PSMA5: variants seen among roughly 807,000 people sequenced by gnomAD.
PSMA5 encodes proteasome subunit alpha type-5.
In PSMA5, 3 loss-of-function variants were observed where a neutral mutation model predicts 34.5. The ratio of observed to expected loss-of-function variants is 0.09; its 90% CI spans 0.04 to 0.22. The LOEUF is 0.22. PSMA5 is among the 10% of genes least tolerant of loss of function. PSMA5 has a pLI of 1.00. For synonymous variants in PSMA5, 88 were observed against 95.8 expected (o/e 0.92, Z 0.47); for missense variants, 120 against 286.1 (o/e 0.42, Z 4.19).
rs1367731725 is a variant in PSMA5, at chr1:109,426,413, AACTC to A, written c.-87_-84del. ...ACCGGCACCCAACTCACCGGCAGCC[AACTC>A]ACCCACACGGCCGCAGTACTAAGGA... On this transcript the variant is annotated 5_prime_UTR_variant, in exon 1 of 9. Coordinates refer to ENST00000271308, the MANE Select transcript of PSMA5 (RefSeq NM_002790.4). 7.7e-6 allele frequency: 12 copies of A among 1,557,874 alleles called. No individual in the cohort carries two copies. The highest frequency in any genetic ancestry group is 1.1e-5 in the Non-Finnish European group (12 of 1,129,194).
Position 109,424,491 on chromosome 1 carries a change from T to C in PSMA5, c.29+1811A>G, listed in dbSNP as rs569829602. On this transcript the variant is annotated intron_variant, in intron 1 of 8. Coordinates refer to ENST00000271308, the MANE Select transcript of PSMA5 (RefSeq NM_002790.4). Reference sequence around the variant, plus strand: ...GTACCTGTAAACAATTCTTTAAGAGTCTCAGGCCGAGCGAGGTGGCTCTCG... The same window carrying C: ...GTACCTGTAAACAATTCTTTAAGAGCCTCAGGCCGAGCGAGGTGGCTCTCG... Among the ~76,000 whole-genome samples the C allele has an allele frequency of 1.1e-4, 16 of 152,086 alleles. No individual in the cohort carries two copies. In the East Asian group the frequency reaches 1.8e-3, roughly 17 times the overall value.
At chr1:109,413,205 C>T in intron 3 of PSMA5, 70 bp from the exon 4 acceptor site, 2 of 1,458,290 alleles carry the variant, frequency 1.4e-6, no homozygotes, top group Admixed American at 1.7e-5. Context: ...CTCAGGAAAT[C>T]CTGAAATTCT....
chr1:109,421,448 G>A (rs1159341592), intron 2 of PSMA5, among the ~76,000 whole-genome samples: 24 of 145,038 alleles, frequency 1.7e-4, no homozygotes, highest in African/African-American at 5.5e-4. Flanking sequence ...GGGCAACTGA[G>A]AGAGACTCCA....
At chr1:109,404,183 G>A (rs1230742717) in intron 8 of PSMA5, among the ~76,000 whole-genome samples, 1 of 152,026 alleles carries the variant, frequency 6.6e-6, no homozygotes, top group East Asian at 1.9e-4. Context: ...AATTAGTCGG[G>A]CATGGTGGCA....
chr1:109,411,835 T>A, intron 6 of PSMA5, 42 bp downstream of exon 6: 1 of 1,549,994 alleles, frequency 6.5e-7, no homozygotes, highest in East Asian at 2.2e-5. Flanking sequence ...TTAAAATAAT[T>A]CCCTGCAAAA....
intron 4 of PSMA5, 182 bp from the exon 5 acceptor site, chr1:109,412,366 T>C (rs1571021257): frequency 1.8e-6 from 1 of 563,830 alleles, no homozygotes; most frequent in East Asian, 2.9e-5. Context: ...GCTCTGGAAA[T>C]AAACATATCA....
chr1:109,405,405 G>C (rs1012632358), intron 8 of PSMA5, among the ~76,000 whole-genome samples: 46 of 146,938 alleles, frequency 3.1e-4, no homozygotes, highest in African/African-American at 1.1e-3. Context: ...GCCATGAAAA[G>C]AATTTTGGAA....
chr1:109,402,031 C>T lies in PSMA5; in HGVS notation c.708G>A (p.Glu236=), dbSNP rs1265712677. Reference sequence around the variant, plus strand: ...GGATTCCTTAAATGTCCTTGATAACCTCTTCAAGTTCTTCCTTTGTGAACA... The same window carrying T: ...GGATTCCTTAAATGTCCTTGATAACTTCTTCAAGTTCTTCCTTTGTGAACA... ...FHMFTKEELE[E]VIKDI is the part of the protein sequence containing the mutation. Residue 236 remains glutamate, a synonymous_variant, in exon 9 of 9, where the codon GAG becomes GAA. Transcript: ENST00000271308. 1.9e-6 allele frequency: 3 copies of T among 1,611,144 alleles called. No homozygotes were observed. Among genetic ancestry groups the T allele is most frequent in the Admixed American group, 1.7e-5 (1 of 59,712 alleles).
chr1:109,412,595 T>C (rs1164479690), intron 4 of PSMA5: 3 of 167,760 alleles, frequency 1.8e-5, no homozygotes, highest in Middle Eastern at 5.8e-3. Context: ...GTATTTTTCT[T>C]ACTAGCCTAT....
intron 1 of PSMA5, among the ~76,000 whole-genome samples, chr1:109,422,629 C>T (rs943808337): frequency 6.6e-6 from 1 of 152,074 alleles, no homozygotes; most frequent in East Asian, 1.9e-4. Flanking sequence ...CATGCCACCA[C>T]GCCCGGCTAA....
chr1:109,406,059 A>G (rs1163387462), intron 8 of PSMA5, among the ~76,000 whole-genome samples: 1 of 152,240 alleles, frequency 6.6e-6, no homozygotes, highest in Non-Finnish European at 1.5e-5. Flanking sequence ...AACCAAGATT[A>G]GAAATATGGG....
Position 109,426,007 on chromosome 1 carries a change from CG to C in PSMA5, c.29+294del. 5.5e-6 allele frequency: 3 copies of C among 550,428 alleles called. No homozygotes were observed. The East Asian group carries it at 8.7e-5, about 16-fold the overall frequency. 34.1% of individuals were successfully genotyped at this position (550,428 alleles called of 1,614,324 possible). On this transcript the variant is annotated intron_variant, in intron 1 of 8. Transcript: ENST00000271308. ...GCAAAGAGTGACCCTTGGCCTTCTC[CG>C]GGTTCAAGGTAGGAGTTCCGGCTCC...
Position 109,426,413 on chromosome 1 carries a change from A to T in PSMA5, c.-83T>A. The T allele has an allele frequency of 6.4e-7, 1 of 1,557,992 alleles. No individual in the cohort carries two copies. Among genetic ancestry groups the T allele is most frequent in the Non-Finnish European group, 8.9e-7 (1 of 1,129,186 alleles). On this transcript the variant is annotated 5_prime_UTR_variant, in exon 1 of 9. Transcript: ENST00000271308. The stretch of plus-strand genomic sequence containing the variant: ...ACCGGCACCCAACTCACCGGCAGCC[A>T]ACTCACCCACACGGCCGCAGTACTA...
rs1653536240 is a variant in PSMA5 at position 109,401,789 on chromosome 1, C to T, written c.*224G>A. On this transcript the variant is annotated 3_prime_UTR_variant, in exon 9 of 9. Coordinates refer to ENST00000271308, the MANE Select transcript of PSMA5 (RefSeq NM_002790.4). ...ACCAGCCTGGGCAATATAGTGAGACCTCATCTCTTAAAAAAAAAAAAAAAA... is the reference window on the plus strand; with the variant it reads ...ACCAGCCTGGGCAATATAGTGAGACTTCATCTCTTAAAAAAAAAAAAAAAA... 1 of 330,214 alleles carries T rather than the reference C, an allele frequency of 3.0e-6. No individual in the cohort carries two copies. The highest frequency in any genetic ancestry group is 5.3e-6 in the Non-Finnish European group (1 of 187,130). The allele number at this position is 330,214 out of a possible 1,614,324, so 20.5% of individuals were successfully genotyped here. A position where few individuals can be genotyped will look rare whatever the true frequency, so the allele number is the denominator to read the frequency against.
At chr1:109,422,340 T>C (rs1176597912) in intron 1 of PSMA5, among the ~76,000 whole-genome samples, 1 of 152,212 alleles carries the variant, frequency 6.6e-6, no homozygotes, top group Non-Finnish European at 1.5e-5. Context: ...TACTTGGGGT[T>C]ATCACTCTTC....
intron 3 of PSMA5, among the ~76,000 whole-genome samples, chr1:109,413,653 T>C (rs1654088147): frequency 6.6e-6 from 1 of 152,232 alleles, no homozygotes; most frequent in Non-Finnish European, 1.5e-5. Context: ...TAACTGTTAT[T>C]GTACATGCCA....
Position 109,402,057 on chromosome 1 carries a change from T to C in PSMA5, c.682A>G (p.Met228Val). ...TCTTCAAGTTCTTCCTTTGTGAACATGTGGAAATTCTGGCCAGGCTGCACT... is the reference window on the plus strand; with the variant it reads ...TCTTCAAGTTCTTCCTTTGTGAACACGTGGAAATTCTGGCCAGGCTGCACT... Reference protein sequence around the residue: ...ATVQPGQNFHMFTKEELEEVI... With the variant: ...ATVQPGQNFHVFTKEELEEVI... Residue 228 changes from methionine to valine, a missense_variant, in exon 9 of 9, where the codon ATG (methionine) becomes GTG (valine). Around this residue, in one of 3 missense-constraint regions of PSMA5, gnomAD observed 83 missense variants for 203.2 expected, o/e 0.41. Coordinates refer to ENST00000271308, the MANE Select transcript of PSMA5 (RefSeq NM_002790.4). 1 of 1,613,036 alleles carries C rather than the reference T, an allele frequency of 6.2e-7. No homozygotes were observed. Among genetic ancestry groups the C allele is most frequent in the South Asian group, 1.1e-5 (1 of 90,882 alleles).
intron 8 of PSMA5, among the ~76,000 whole-genome samples, chr1:109,409,088 C>A (rs1322100543): frequency 1.3e-5 from 2 of 152,176 alleles, no homozygotes; most frequent in African/African-American, 2.4e-5. Flanking sequence ...CTATCTTCTG[C>A]TGACACTAAT....
In PSMA5 at chr1:109,412,075, A is replaced by G; in HGVS notation, c.399+2T>C. Reference sequence around the variant, plus strand: ...AAAACTCGACAGAAGTATCACACTCACCATGGCACCTGGATCTGCATCTTC... The same window carrying G: ...AAAACTCGACAGAAGTATCACACTCGCCATGGCACCTGGATCTGCATCTTC... On this transcript the variant is annotated splice_donor_variant, in intron 5 of 8. Coordinates refer to ENST00000271308, the MANE Select transcript of PSMA5 (RefSeq NM_002790.4). LOFTEE classifies it high-confidence loss of function. 1 of 1,613,076 alleles carries G rather than the reference A, an allele frequency of 6.2e-7. No homozygotes were observed. Among genetic ancestry groups the G allele is most frequent in the Non-Finnish European group, 8.5e-7 (1 of 1,179,052 alleles).
Sources: gnomAD v4.1 joint callset for allele counts (sites outside exome capture counted in the v4.1 genomes callset) on GRCh38, gnomAD v4.1.1 for gene constraint, gnomAD v4.1.1 regional missense constraint, MANE v1.5 for transcripts, NCBI Gene and HGNC (gene_info 2026-07-23, HGNC 2026-07-21) for gene names.